TTC39B: variants seen among roughly 807,000 people sequenced by gnomAD.
The protein encoded by TTC39B is tetratricopeptide repeat domain 39B.
Under a neutral mutation model 96.6 loss-of-function variants are expected in TTC39B, and 92 were observed. The ratio of observed to expected loss-of-function variants is 0.95; its 90% CI spans 0.80 to 1.13. The LOEUF (loss-of-function observed/expected upper bound fraction) is 1.13. Among genes scored for constraint, TTC39B ranks in the 50% most tolerant of loss-of-function variants. The probability of loss-of-function intolerance (pLI) is 0.00; values close to 1 mark genes in which losing one functional copy is unlikely to be tolerated. For missense variants in TTC39B, 955 were observed against 809.3 expected (o/e 1.18, Z -2.18); for synonymous variants, 367 against 299.4 (o/e 1.23, Z -2.33).
chr9:15,195,953 T>C (rs1819142129), intron 8 of TTC39B, among the ~76,000 whole-genome samples: 1 of 152,184 alleles, frequency 6.6e-6, no homozygotes, highest in South Asian at 2.1e-4. Flanking sequence ...GAAGCCAATG[T>C]TCACTTACCA....
intron 2 of TTC39B, among the ~76,000 whole-genome samples, chr9:15,236,692 T>C (rs1237416945): frequency 1.3e-5 from 2 of 152,146 alleles, no homozygotes; most frequent in Non-Finnish European, 2.9e-5. Flanking sequence ...TACAAGTACA[T>C]GGAACCTAAA....
At position 15,306,976 on chromosome 9, in the gene TTC39B, G is replaced by A. The variant is rs1824772498; in HGVS notation, c.240+108C>T. 4.0e-6 allele frequency: 6 copies of A among 1,496,996 alleles called. No individual in the cohort carries two copies. Among genetic ancestry groups the A allele is most frequent in the Non-Finnish European group, 5.4e-6 (6 of 1,115,056 alleles). 92.7% of individuals were successfully genotyped at this position (1,496,996 alleles called of 1,614,324 possible). ...GCGCCCGCCAGCCCACCCCAGAGAG[G>A]GGACCAAGGGGGCGGGGCCTCGGCC... On this transcript the variant is annotated intron_variant, in intron 1 of 19. Transcript: ENST00000512701. The surrounding 1 kb of genome is among the most constrained non-coding windows in gnomAD (Gnocchi z 5.1).
Position 15,233,626 on chromosome 9 carries a change from G to A in TTC39B, c.276-7614C>T, listed in dbSNP as rs551821388. Among the ~76,000 whole-genome samples, 62 of 152,290 alleles carry A rather than the reference G, an allele frequency of 4.1e-4. 1 individual carries two copies. The East Asian group carries it at 0.011, about 28-fold the overall frequency. ...GCCAGCCTCGGCCTCCCGAGGTGCC[G>A]GGATTGCAGACGGAGTCTCGTTCGC... is the stretch of plus-strand genomic sequence containing the variant. On this transcript the variant is annotated intron_variant, in intron 2 of 19. Coordinates refer to ENST00000512701, the Ensembl canonical transcript of TTC39B.
chr9:15,223,458 T>A (rs1451736678), intron 3 of TTC39B, among the ~76,000 whole-genome samples: 1 of 152,208 alleles, frequency 6.6e-6, no homozygotes, highest in East Asian at 1.9e-4. Context: ...AACTCTCTCC[T>A]TGGCTGCCTC....
rs1824760029 is a variant in TTC39B at position 15,306,547 on chromosome 9, C to G, written c.240+537G>C. On this transcript the variant is annotated intron_variant, in intron 1 of 19. Coordinates refer to ENST00000512701, the Ensembl canonical transcript of TTC39B. The surrounding 1 kb of genome is among the most constrained non-coding windows in gnomAD (Gnocchi z 5.1). The stretch of plus-strand genomic sequence containing the variant: ...AGCCCCAGCCCCTGGCAGCCCTGCC[C>G]TGCTGTCGCGGCAGGTACCCCTCTA... Among the ~76,000 whole-genome samples the G allele has an allele frequency of 6.6e-6, 1 of 152,248 alleles. No individual in the cohort carries two copies. The highest frequency in any genetic ancestry group is 1.5e-5 in the Non-Finnish European group (1 of 68,034).
intron 1 of TTC39B, among the ~76,000 whole-genome samples, chr9:15,285,047 G>A (rs1023789334): frequency 4.6e-5 from 7 of 152,164 alleles, no homozygotes; most frequent in South Asian, 2.1e-4. Context: ...GGATCACGAG[G>A]TCAGGAAATC....
At chr9:15,300,840 C>T (rs1824557339) in intron 1 of TTC39B, among the ~76,000 whole-genome samples, 1 of 126,152 alleles carries the variant, frequency 7.9e-6, no homozygotes, top group Non-Finnish European at 1.6e-5. Context: ...TGCAGTGAGC[C>T]GAGATCCCAC....
intron 4 of TTC39B, among the ~76,000 whole-genome samples, chr9:15,212,380 CA>C (rs200310557): frequency 0.26 from 27,573 of 105,540 alleles, 2,708 homozygotes; most frequent in East Asian, 0.65. Flanking sequence ...TTTCAAGAAG[CA>C]AAAAAAAAAA....
At chr9:15,228,005 C>G (rs1586916973) in intron 2 of TTC39B, among the ~76,000 whole-genome samples, 1 of 152,060 alleles carries the variant, frequency 6.6e-6, no homozygotes, top group Non-Finnish European at 1.5e-5. Flanking sequence ...ATAAATGGTA[C>G]AAGATAGTGC....
chr9:15,214,195 T>G (rs75713085), exon 4 of TTC39B: 1 of 1,614,144 alleles, frequency 6.2e-7, no homozygotes, highest in Non-Finnish European at 8.5e-7. Context: ...ATAAGTTCAA[T>G]GCCACAGCAC....
At chr9:15,232,064 C>T (rs977613009) in intron 2 of TTC39B, among the ~76,000 whole-genome samples, 1 of 152,168 alleles carries the variant, frequency 6.6e-6, no homozygotes, top group African/African-American at 2.4e-5. Context: ...TTCTGCCCAG[C>T]TATGTCCCCC....
intron 3 of TTC39B, among the ~76,000 whole-genome samples, chr9:15,215,327 G>A (rs1820450423): frequency 6.6e-6 from 1 of 152,048 alleles, no homozygotes; most frequent in African/African-American, 2.4e-5. Flanking sequence ...GGAGGCCAAG[G>A]CAGGTGAATC....
chr9:15,195,445 C>T (rs1350884494), intron 8 of TTC39B, among the ~76,000 whole-genome samples: 9 of 151,438 alleles, frequency 5.9e-5, no homozygotes, highest in African/African-American at 2.4e-5. Flanking sequence ...CCAAGGTGGG[C>T]GGATCATGAG....
At chr9:15,259,685 A>T (rs1179482898) in intron 2 of TTC39B, among the ~76,000 whole-genome samples, 1 of 152,164 alleles carries the variant, frequency 6.6e-6, no homozygotes, top group Non-Finnish European at 1.5e-5. Context: ...ATTTTCCAAC[A>T]TTATGATGGG....
At chr9:15,226,930 A>G (rs571093719) in intron 2 of TTC39B, among the ~76,000 whole-genome samples, 1 of 152,350 alleles carries the variant, frequency 6.6e-6, no homozygotes, top group South Asian at 2.1e-4. Flanking sequence ...GTCATTAAAA[A>G]AAGAGGTAAA....
intron 8 of TTC39B, among the ~76,000 whole-genome samples, chr9:15,193,836 G>A (rs1226835936): frequency 1.3e-5 from 2 of 152,172 alleles, no homozygotes; most frequent in Non-Finnish European, 2.9e-5. Flanking sequence ...CATATTGAAA[G>A]ATGTTTTACT....
chr9:15,195,292 G>A (rs1819091447), intron 8 of TTC39B, among the ~76,000 whole-genome samples: 1 of 152,174 alleles, frequency 6.6e-6, no homozygotes, highest in Non-Finnish European at 1.5e-5. Flanking sequence ...TATAAAGGCT[G>A]AGAGAGGTGA....
rs909461772 is a variant in TTC39B, at chr9:15,306,869, G to T, written c.240+215C>A. 2.6e-5 allele frequency among the ~76,000 whole-genome samples: 4 copies of T among 151,838 alleles called. No individual in the cohort carries two copies. Among genetic ancestry groups the T allele is most frequent in the Non-Finnish European group, 5.9e-5 (4 of 67,924 alleles). On this transcript the variant is annotated intron_variant, in intron 1 of 19. Coordinates refer to ENST00000512701, the Ensembl canonical transcript of TTC39B. This position sits in a 1 kb window ranked among gnomAD's most constrained non-coding sequence, Gnocchi z 5.1. ...CGCGGGGCCGGCGCTCCGAACCTCG[G>T]CACTGCGTCCGCTCCGCGCGCCGCA...
chr9:15,257,764 T>A (rs1011059301), intron 2 of TTC39B, among the ~76,000 whole-genome samples: 3 of 145,058 alleles, frequency 2.1e-5, no homozygotes, highest in Non-Finnish European at 4.6e-5. Flanking sequence ...ATCTTATTTT[T>A]AAAAATAATT....
Sources: allele counts gnomAD v4.1 joint callset (sites outside exome capture counted in the v4.1 genomes callset), GRCh38; gene constraint gnomAD v4.1.1; non-coding constraint Gnocchi (gnomAD v3.1); transcripts MANE v1.5; gene names NCBI Gene and HGNC (gene_info 2026-07-23, HGNC 2026-07-21).